The following MYO10 variants were observed in gnomAD, a reference collection of about 807,000 sequenced individuals.
MYO10 encodes the protein myosin X.
Under a neutral mutation model 257.3 loss-of-function variants are expected in MYO10, and 133 were observed. The ratio of observed to expected loss-of-function variants is 0.52; its 90% CI spans 0.45 to 0.60. The LOEUF (loss-of-function observed/expected upper bound fraction) is 0.60. Ranked by LOEUF, MYO10 falls within the 20% of genes least tolerant of loss-of-function variation. The probability of loss-of-function intolerance (pLI) is 0.00; values close to 1 mark genes in which losing one functional copy is unlikely to be tolerated. For synonymous variants in MYO10, 1,104 were observed against 1,028.6 expected (o/e 1.07, Z -1.40); for missense variants, 2,399 against 2,635.7 (o/e 0.91, Z 1.97).
chr5:16,772,520 T>G (rs1024056251), intron 9 of MYO10, among the ~76,000 whole-genome samples: 1 of 152,232 alleles, frequency 6.6e-6, no homozygotes, highest in African/African-American at 2.4e-5. Flanking sequence ...GCAAAAAAGC[T>G]ATTTTGTACC....
At chr5:16,702,482 A>C in intron 24 of MYO10, 61 bp downstream of exon 24, 2 of 1,428,834 alleles carry the variant, frequency 1.4e-6, no homozygotes, top group Non-Finnish European at 1.9e-6. Flanking sequence ...CTAGAGTCCA[A>C]GCATTAGAAG....
At chr5:16,829,850 CCACA>C (rs925418870) in intron 2 of MYO10, among the ~76,000 whole-genome samples, 1 of 151,974 alleles carries the variant, frequency 6.6e-6, no homozygotes, top group African/African-American at 2.4e-5. Flanking sequence ...AAGTTAAATG[CCACA>C]CAAAGTTAGC....
intron 17 of MYO10, among the ~76,000 whole-genome samples, chr5:16,761,251 A>C (rs1177789710): frequency 3.3e-5 from 5 of 152,164 alleles, no homozygotes; most frequent in Non-Finnish European, 7.4e-5. Flanking sequence ...TTGGCATCCC[A>C]AAGTGCTGGG....
At chr5:16,925,619 C>T (rs1169203232) in intron 1 of MYO10, among the ~76,000 whole-genome samples, 1 of 152,010 alleles carries the variant, frequency 6.6e-6, no homozygotes, top group African/African-American at 2.4e-5. Context: ...ACCTTGTTGG[C>T]CAGGCTGGTC....
chr5:16,725,075 CTTCT>C (rs1378190768), intron 19 of MYO10, among the ~76,000 whole-genome samples: 12 of 108,642 alleles, frequency 1.1e-4, no homozygotes, highest in African/African-American at 3.1e-4. Flanking sequence ...TCACCTTCTT[CTTCT>C]TTTTTTTTTT....
chr5:16,778,589 C>T (rs1472094356), intron 9 of MYO10, among the ~76,000 whole-genome samples: 1 of 151,392 alleles, frequency 6.6e-6, no homozygotes, highest in Non-Finnish European at 1.5e-5. Context: ...AATTCTTCCA[C>T]GGGGAAGAGA....
chr5:16,725,179 C>T (rs974445620), intron 19 of MYO10, among the ~76,000 whole-genome samples: 24 of 150,286 alleles, frequency 1.6e-4, no homozygotes, highest in African/African-American at 5.2e-4. Context: ...CTCAGCCTCC[C>T]GGGTTCAAGC....
intron 26 of MYO10, among the ~76,000 whole-genome samples, chr5:16,696,572 A>G (rs1316227725): frequency 6.6e-6 from 1 of 152,156 alleles, no homozygotes; most frequent in Non-Finnish European, 1.5e-5. Flanking sequence ...TAATAAATCA[A>G]TGCTGCCGGG....
rs78730086 is a variant in MYO10 at position 16,662,446 on chromosome 5, C to T, written c.*4246G>A. 0.02 allele frequency: 3,024 copies of T among 149,114 alleles called. 63 individuals carry two copies. Among genetic ancestry groups the T allele is most frequent in the East Asian group, 0.1 (510 of 4,860 alleles). 9.2% of individuals were successfully genotyped at this position (149,114 alleles called of 1,614,324 possible). A position where few individuals can be genotyped will look rare whatever the true frequency, so the allele number is the denominator to read the frequency against. On this transcript the variant is annotated 3_prime_UTR_variant, in exon 41 of 41. Coordinates refer to ENST00000513610, the MANE Select transcript of MYO10 (RefSeq NM_012334.3). ...TCAAACGATTTTCTCATCTCAGCCT[C>T]CCCAGTAGCTGGGACTACAGATGCG...
chr5:16,818,227 A>G, intron 2 of MYO10, 60 bp from the exon 3 acceptor site: 2 of 1,347,168 alleles, frequency 1.5e-6, no homozygotes, highest in Non-Finnish European at 2.0e-6. Flanking sequence ...TTTTCACACA[A>G]GTTTCCCAAA....
intron 29 of MYO10, 47 bp downstream of exon 29, chr5:16,685,691 C>CAA: frequency 1.4e-6 from 1 of 704,834 alleles, no homozygotes; most frequent in Non-Finnish European, 2.4e-6. Context: ...CCCTCCCCGT[C>CAA]CCTGCCCCTA....
intron 4 of MYO10, among the ~76,000 whole-genome samples, chr5:16,793,396 C>A (rs143991515): frequency 1.1e-3 from 163 of 152,272 alleles, no homozygotes; most frequent in African/African-American, 3.7e-3. Flanking sequence ...GTGATCTCAG[C>A]TCACTGCAAC....
At chr5:16,884,344 A>T (rs1561037828) in intron 1 of MYO10, among the ~76,000 whole-genome samples, 1 of 152,194 alleles carries the variant, frequency 6.6e-6, no homozygotes, top group Non-Finnish European at 1.5e-5. Context: ...ACTGTGAGCC[A>T]TGATTGCACC....
chr5:16,770,744 T>C (rs928328810), intron 9 of MYO10, among the ~76,000 whole-genome samples: 3 of 152,178 alleles, frequency 2.0e-5, no homozygotes, highest in Non-Finnish European at 2.9e-5. Context: ...GATTTAACAC[T>C]GCGAAAAGTT....
intron 33 of MYO10, among the ~76,000 whole-genome samples, chr5:16,677,306 T>C (rs925451135): frequency 1.3e-5 from 2 of 152,148 alleles, no homozygotes; most frequent in Non-Finnish European, 2.9e-5. Flanking sequence ...GTAAGTTGAC[T>C]CATTTCTTAA....
intron 14 of MYO10, among the ~76,000 whole-genome samples, chr5:16,763,138 A>T (rs1418026795): frequency 4.0e-5 from 6 of 151,624 alleles, no homozygotes; most frequent in Admixed American, 2.0e-4. Flanking sequence ...TATAAATCTT[A>T]AAAAAAAATT....
At chr5:16,860,120 G>A (rs1744067829) in intron 2 of MYO10, among the ~76,000 whole-genome samples, 1 of 152,190 alleles carries the variant, frequency 6.6e-6, no homozygotes, top group South Asian at 2.1e-4. Context: ...CGTGGAAGAA[G>A]CGGCCAATCA....
In MYO10 at chr5:16,699,522, G is replaced by A; in HGVS notation, c.3484C>T (p.Leu1162Phe). 1 of 1,613,738 alleles carries A rather than the reference G, an allele frequency of 6.2e-7. No homozygotes were observed. Among genetic ancestry groups the A allele is most frequent in the South Asian group, 1.1e-5 (1 of 91,082 alleles). Residue 1162 changes from leucine to phenylalanine, a missense_variant, in exon 26 of 41, where the codon CTT becomes TTT. By Grantham distance (22) the Leu-to-Phe change is conservative (BLOSUM62 0). Coordinates refer to ENST00000513610, the MANE Select transcript of MYO10 (RefSeq NM_012334.3). ...TACACAGAGTCACGCCGGTATGAAA[G>A]CTCATCATCTGTATCAAACCTGGAA... ...FDSRFDTDDELSYRRDSVYSC... is the reference protein window; with the variant it reads ...FDSRFDTDDEFSYRRDSVYSC...
chr5:16,868,713 G>A (rs1034889185), intron 2 of MYO10, among the ~76,000 whole-genome samples: 2 of 152,148 alleles, frequency 1.3e-5, no homozygotes, highest in African/African-American at 4.8e-5. Flanking sequence ...CTGTGTGCTG[G>A]GGCCTTCAGA....
Sources: allele counts gnomAD v4.1 joint callset (sites outside exome capture counted in the v4.1 genomes callset), GRCh38; gene constraint gnomAD v4.1.1; transcripts MANE v1.5; gene names NCBI Gene and HGNC (gene_info 2026-07-23, HGNC 2026-07-21).